The following BBOF1 variants were observed in gnomAD, a reference collection of about 807,000 sequenced individuals.
BBOF1 encodes basal body orientation factor 1, also known as basal body-orientation factor 1.
In BBOF1, 62 loss-of-function variants were observed where a neutral mutation model predicts 68.0. The ratio of observed to expected loss-of-function variants is 0.91; its 90% confidence interval spans 0.74 to 1.13. The LOEUF is 1.13. Ranked by LOEUF, BBOF1 falls within the 50% of genes most tolerant of loss-of-function variation. The pLI, the probability that BBOF1 is intolerant of heterozygous loss-of-function variation, is 0.00. For missense variants in BBOF1, 534 were observed against 600.1 expected (o/e 0.89, Z 1.15); for synonymous variants, 208 against 198.8 (o/e 1.05, Z -0.39).
At chr14:74,070,324 G>C (rs983403915), downstream of BBOF1, among the ~76,000 whole-genome samples, 3 of 152,058 alleles carry the variant, frequency 2.0e-5, no homozygotes, top group African/African-American at 7.2e-5. Context: ...TTTGAGACTA[G>C]CCTGGCCAAC....
At chr14:74,055,154 CTTT>C (rs760275836) in intron 8 of BBOF1, 1 of 149,178 alleles carries the variant, frequency 6.7e-6, no homozygotes, top group Middle Eastern at 3.3e-3. Context: ...TTTTTTCTTT[CTTT>C]TTTTTTTTGA....
In BBOF1 at chr14:74,023,079, A is replaced by C. The variant is rs61751904; in HGVS notation, c.220A>C (p.Met74Leu). The C allele has an allele frequency of 5.4e-3, 8,586 of 1,604,234 alleles. 338 individuals carry two copies. The African/African-American group carries it at 0.094, about 18-fold the overall frequency. The stretch of plus-strand genomic sequence containing the variant: ...GGACTTAAAGAAAAAGCAATGTAAA[A>C]TGGAGAAAGACATAATGTCAGTATT... Reference protein sequence around the residue: ...NEDLKKKQCKMEKDIMSVLSY... With the variant: ...NEDLKKKQCKLEKDIMSVLSY... The change falls in exon 2 of 12, where the codon ATG becomes CTG. Residue 74 changes from methionine (M) to leucine (L), a missense_variant. Physicochemically the swap from Met to Leu is conservative, Grantham distance 15 (BLOSUM62 2). Coordinates refer to ENST00000394009, the MANE Select transcript of BBOF1 (RefSeq NM_025057.3).
At chr14:74,057,753 A>G in intron 11 of BBOF1, 1 of 1,147,170 alleles carries the variant, frequency 8.7e-7, no homozygotes, top group Non-Finnish European at 1.1e-6. Context: ...CCACATTAGA[A>G]CAAAAAGAAA....
intron 5 of BBOF1, among the ~76,000 whole-genome samples, chr14:74,045,232 A>G (rs28721893): frequency 0.019 from 2,835 of 152,104 alleles, 56 homozygotes; most frequent in African/African-American, 0.051. Context: ...GAGATCAGGG[A>G]CCTTGTCTGT....
At chr14:74,082,345 A>G (rs1339917004) in intron 12 of BBOF1, among the ~76,000 whole-genome samples, 3 of 150,138 alleles carry the variant, frequency 2.0e-5, no homozygotes, top group African/African-American at 7.4e-5. Flanking sequence ...TTTCTCCTCT[A>G]TAAATCCTTT....
intron 9 of BBOF1, chr14:74,078,170 A>C (rs78559242): frequency 2.2e-6 from 1 of 455,260 alleles, no homozygotes; most frequent in African/African-American, 2.0e-5. Context: ...TACTTTCAGG[A>C]GCTGACTTTG....
chr14:74,019,474 C>A lies in BBOF1; in HGVS notation c.-5C>A. 1 of 1,603,316 alleles carries A rather than the reference C, an allele frequency of 6.2e-7. No individual in the cohort carries two copies. Among genetic ancestry groups the A allele is most frequent in the Non-Finnish European group, 8.5e-7 (1 of 1,174,850 alleles). On this transcript the variant is annotated 5_prime_UTR_variant, in exon 1 of 12. Coordinates refer to ENST00000394009, the MANE Select transcript of BBOF1 (RefSeq NM_025057.3). The stretch of plus-strand genomic sequence containing the variant: ...TACGACAGCGGAGCCCCTGGGGAAG[C>A]CAAGATGCCGTCGAAGGGAAAGGAC...
rs75025503 is a variant in BBOF1 at position 74,021,914 on chromosome 14, G to GA, written c.57-990dup. Among the ~76,000 whole-genome samples, 257 of 137,800 alleles carry GA rather than the reference G, an allele frequency of 1.9e-3. 1 individual carries two copies. Among genetic ancestry groups the GA allele is most frequent in the South Asian group, 6.9e-3 (30 of 4,334 alleles). 90.4% of individuals were successfully genotyped at this position (137,800 alleles called of 152,430 possible). A position where few individuals can be genotyped will look rare whatever the true frequency, so the allele number is the denominator to read the frequency against. The stretch of plus-strand genomic sequence containing the variant: ...AGAGTGAGACTCCGTCCCTCCCCCA[G>GA]AAAAAAAAAAAACACACTCAAAAGT... On this transcript the variant is annotated intron_variant, in intron 1 of 11. Transcript: ENST00000394009.
chr14:74,058,047 GC>G, intron 11 of BBOF1: 1 of 429,812 alleles, frequency 2.3e-6, no homozygotes, highest in Non-Finnish European at 3.1e-6. Context: ...CACTACCAGG[GC>G]CAGGTGCGGT....
chr14:74,078,077 A>G, intron 9 of BBOF1: 1 of 397,632 alleles, frequency 2.5e-6, no homozygotes. Context: ...ATTTCTATAA[A>G]TAATAAACAC....
At chr14:74,067,211 T>TA (rs899869325), downstream of BBOF1, among the ~76,000 whole-genome samples, 77 of 151,280 alleles carry the variant, frequency 5.1e-4, 2 homozygotes, top group South Asian at 0.01. Context: ...GCCTGTGCTT[T>TA]AAAAAAAAAG....
chr14:74,030,868 A>T (rs189268874), intron 3 of BBOF1, among the ~76,000 whole-genome samples: 1 of 151,716 alleles, frequency 6.6e-6, no homozygotes, highest in South Asian at 2.1e-4. Flanking sequence ...TTAAAAAAAA[A>T]GGTTGCTTAA....
At chr14:74,067,710 G>T, downstream of BBOF1, 1 of 900,952 alleles carries the variant, frequency 1.1e-6, no homozygotes, top group Non-Finnish European at 1.8e-6. Flanking sequence ...GATAACTTGA[G>T]GTCAGGAGTT....
intron 1 of BBOF1, among the ~76,000 whole-genome samples, chr14:74,021,599 A>G (rs1444049731): frequency 6.6e-6 from 1 of 152,102 alleles, no homozygotes; most frequent in Admixed American, 6.6e-5. Flanking sequence ...AAAAAAAAAA[A>G]AAAAGTCCGG....
At chr14:74,056,258 T>G (rs192116072) in intron 9 of BBOF1, among the ~76,000 whole-genome samples, 48 of 147,634 alleles carry the variant, frequency 3.3e-4, no homozygotes, top group African/African-American at 1.1e-3. Context: ...TGGAGTGCAG[T>G]GATGTAATCT....
downstream of BBOF1, chr14:74,069,146 C>G (rs572304910): frequency 2.8e-6 from 2 of 725,060 alleles, no homozygotes; most frequent in Admixed American, 3.1e-5. Flanking sequence ...GCTCTGTTGC[C>G]CAGGCTGGAG....
At chr14:74,027,044 A>G (rs2059446510) in intron 2 of BBOF1, among the ~76,000 whole-genome samples, 1 of 151,898 alleles carries the variant, frequency 6.6e-6, no homozygotes, top group African/African-American at 2.4e-5. Flanking sequence ...TGTACTACTA[A>G]TAAACACATA....
chr14:74,063,844 C>G (rs567159731), intron 11 of BBOF1, among the ~76,000 whole-genome samples: 4 of 143,984 alleles, frequency 2.8e-5, no homozygotes, highest in Middle Eastern at 3.6e-3. Flanking sequence ...CCAGCCTGTG[C>G]GACAGAGTGA....
At chr14:74,030,968 T>C (rs78440805) in intron 3 of BBOF1, among the ~76,000 whole-genome samples, 1 of 150,454 alleles carries the variant, frequency 6.6e-6, no homozygotes, top group African/African-American at 2.4e-5. Context: ...TATAAGGAGA[T>C]TTTATATATA....
Sources: allele counts gnomAD v4.1 joint callset (sites outside exome capture counted in the v4.1 genomes callset), GRCh38; gene constraint gnomAD v4.1.1; transcripts MANE v1.5; gene names NCBI Gene and HGNC (gene_info 2026-07-23, HGNC 2026-07-21).